MAML2: variants seen among roughly 807,000 people sequenced by gnomAD.
MAML2 encodes mastermind like transcriptional coactivator 2.
In MAML2, 22 loss-of-function variants were observed where a neutral mutation model predicts 96.1. The ratio of observed to expected loss-of-function variants is 0.23; its 90% CI spans 0.16 to 0.33. MAML2 has a LOEUF of 0.33. Among genes scored for constraint, MAML2 ranks in the 10% least tolerant of loss-of-function variants. MAML2 has a pLI of 1.00. For synonymous variants in MAML2, 561 were observed against 521.3 expected, an observed-to-expected ratio of 1.08 and a Z score of -1.04; for missense variants, 1,367 against 1,392.4, an observed-to-expected ratio of 0.98 and a Z score of 0.29.
chr11:96,030,192 C>T (rs1316701715), intron 2 of MAML2, among the ~76,000 whole-genome samples: 2 of 151,328 alleles, frequency 1.3e-5, no homozygotes, highest in South Asian at 2.1e-4. Context: ...GCCGAGATTG[C>T]GCCACTGCAC....
Position 96,092,179 on chromosome 11 carries a change from G to A in MAML2, c.1852C>T (p.Gln618Ter), listed in dbSNP as rs1316476219. ...GCTGAAATTGAACTCTGCTGTTGCTGTTGCTGTTGCTGTTGCTGCTGCTGC... is the reference window on the plus strand; with the variant it reads ...GCTGAAATTGAACTCTGCTGTTGCTATTGCTGTTGCTGTTGCTGCTGCTGC... ...QQQQQQQQQQ[Q>*]QQQSSISAQQ... Residue 618 changes from glutamine to a stop codon, truncating the protein, a stop_gained, in exon 2 of 5, where the codon CAG (glutamine) becomes TAG (stop). Transcript: ENST00000524717. LOFTEE classifies it high-confidence loss of function. The surrounding 1 kb of genome is among the most constrained non-coding windows in gnomAD (Gnocchi z 4.1). 6.5e-7 allele frequency: 1 copy of A among 1,540,954 alleles called. No individual in the cohort carries two copies. The highest frequency in any genetic ancestry group is 8.8e-7 in the Non-Finnish European group (1 of 1,142,284).
At chr11:96,000,437 C>A (rs1319617745) in intron 2 of MAML2, among the ~76,000 whole-genome samples, 1 of 152,138 alleles carries the variant, frequency 6.6e-6, no homozygotes. Flanking sequence ...CAGAGACCTA[C>A]GGCACACAAA....
chr11:96,307,552 A>G (rs935067430), intron 1 of MAML2, among the ~76,000 whole-genome samples: 1 of 152,156 alleles, frequency 6.6e-6, no homozygotes, highest in African/African-American at 2.4e-5. Flanking sequence ...GGGAAATGCC[A>G]TCTTAAAGCT....
chr11:96,146,369 T>C (rs921780549), intron 1 of MAML2, among the ~76,000 whole-genome samples: 2 of 152,226 alleles, frequency 1.3e-5, no homozygotes, highest in African/African-American at 2.4e-5. Context: ...TACTCACTAC[T>C]TGCTCATAGT....
At chr11:95,999,575 A>T (rs767105952) in intron 2 of MAML2, among the ~76,000 whole-genome samples, 244 of 74,134 alleles carry the variant, frequency 3.3e-3, no homozygotes, top group Non-Finnish European at 4.0e-3. Context: ...TCTCTTAATT[A>T]AAAAAAAAAA....
chr11:95,980,075 A>C (rs1857713442), intron 4 of MAML2, 112 bp from the exon 5 acceptor site: 3 of 780,638 alleles, frequency 3.8e-6, no homozygotes, highest in Admixed American at 2.9e-5. Flanking sequence ...AAGACAATTT[A>C]GGCGAAATAA....
At chr11:96,331,917 G>A (rs1863859702) in intron 1 of MAML2, among the ~76,000 whole-genome samples, 1 of 151,680 alleles carries the variant, frequency 6.6e-6, no homozygotes, top group Admixed American at 6.6e-5. Flanking sequence ...TTGCAGAATA[G>A]TGTCCTATTT....
chr11:96,187,702 G>A (rs1413542672), intron 1 of MAML2, among the ~76,000 whole-genome samples: 1 of 151,766 alleles, frequency 6.6e-6, no homozygotes, highest in African/African-American at 2.4e-5. Flanking sequence ...GCTGAGGCAG[G>A]AGAATCGCTT....
chr11:96,135,373 G>A (rs902754648), intron 1 of MAML2, among the ~76,000 whole-genome samples: 5 of 151,966 alleles, frequency 3.3e-5, no homozygotes, highest in East Asian at 1.9e-4. Context: ...AACACAAAAC[G>A]GACTAAGACA....
intron 2 of MAML2, among the ~76,000 whole-genome samples, chr11:96,050,822 G>A (rs1356057808): frequency 2.0e-5 from 3 of 152,196 alleles, no homozygotes; most frequent in Non-Finnish European, 4.4e-5. Context: ...AGGCTCTTAA[G>A]TAAAGGCAAT....
At position 96,342,386 on chromosome 11, in the gene MAML2, T is replaced by C. The variant is rs962404616; in HGVS notation, c.-491A>G. 1.5e-5 allele frequency: 6 copies of C among 399,628 alleles called. No individual in the cohort carries two copies. Among genetic ancestry groups the C allele is most frequent in the Middle Eastern group, 6.2e-4 (1 of 1,610 alleles). The allele number at this position is 399,628 out of a possible 1,614,324, so 24.8% of individuals were successfully genotyped here. A position where few individuals can be genotyped will look rare whatever the true frequency, so the allele number is the denominator to read the frequency against. On this transcript the variant is annotated 5_prime_UTR_variant, in exon 1 of 5. Coordinates refer to ENST00000524717, the MANE Select transcript of MAML2 (RefSeq NM_032427.4). ...CGACAATTCTTTATGGGGATGTTTC[T>C]GCAGAGAAACACATTTCTACCATGT...
At chr11:96,198,472 A>G (rs903552084) in intron 1 of MAML2, among the ~76,000 whole-genome samples, 2 of 152,218 alleles carry the variant, frequency 1.3e-5, no homozygotes, top group Non-Finnish European at 2.9e-5. Flanking sequence ...TTTGTTCCTC[A>G]GATGATATGG....
At chr11:96,082,920 T>C (rs1859551055) in intron 2 of MAML2, among the ~76,000 whole-genome samples, 1 of 152,076 alleles carries the variant, frequency 6.6e-6, no homozygotes, top group Non-Finnish European at 1.5e-5. Context: ...AAAACGGGGC[T>C]CAAAGGGGTA....
At chr11:95,993,563 T>G (rs770067714) in intron 2 of MAML2, among the ~76,000 whole-genome samples, 43 of 151,128 alleles carry the variant, frequency 2.8e-4, no homozygotes, top group South Asian at 8.3e-4. Flanking sequence ...AGAGCAAGAC[T>G]CTGTCTCAAA....
rs182977361 is a variant in MAML2 at position 96,156,406 on chromosome 11, G to C, written c.514-62889C>G. On this transcript the variant is annotated intron_variant, in intron 1 of 4. Coordinates refer to ENST00000524717, the MANE Select transcript of MAML2 (RefSeq NM_032427.4). The stretch of plus-strand genomic sequence containing the variant: ...AGAGGCATCTCTGCGGGGAGTTGCA[G>C]GGCTGTGGTCTCCCTCCTTGAGAGG... 2.6e-3 allele frequency among the ~76,000 whole-genome samples: 403 copies of C among 152,292 alleles called. 1 individual carries two copies. The highest frequency in any genetic ancestry group is 9.3e-3 in the African/African-American group (385 of 41,562).
intron 2 of MAML2, among the ~76,000 whole-genome samples, chr11:96,081,288 A>G (rs1295620831): frequency 1.3e-5 from 2 of 152,206 alleles, no homozygotes; most frequent in East Asian, 1.9e-4. Context: ...GAATTAAAGC[A>G]TAATATTCAT....
intron 2 of MAML2, among the ~76,000 whole-genome samples, chr11:95,999,643 T>A (rs760107900): frequency 6.6e-6 from 1 of 152,022 alleles, no homozygotes; most frequent in Non-Finnish European, 1.5e-5. Context: ...TAGCTCTCTG[T>A]TCCTCTTCAC....
At chr11:96,070,235 A>T (rs1859322120) in intron 2 of MAML2, among the ~76,000 whole-genome samples, 1 of 152,096 alleles carries the variant, frequency 6.6e-6, no homozygotes, top group Admixed American at 6.6e-5. Context: ...GCTTGCAGTG[A>T]GCTGAGATGG....
rs184437973 is a variant in MAML2, at chr11:96,273,103, C to T, written c.513+68280G>A. Among the ~76,000 whole-genome samples, 7 of 152,184 alleles carry T rather than the reference C, an allele frequency of 4.6e-5. 1 individual carries two copies. The East Asian group carries it at 1.2e-3, about 25-fold the overall frequency. ...AAAAGTTCCTACGTAATGCTGATCACATTAAAGTTTGTTACCATGGAAACA... is the reference window on the plus strand; with the variant it reads ...AAAAGTTCCTACGTAATGCTGATCATATTAAAGTTTGTTACCATGGAAACA... On this transcript the variant is annotated intron_variant, in intron 1 of 4. Coordinates refer to ENST00000524717, the MANE Select transcript of MAML2 (RefSeq NM_032427.4).
Sources: allele counts gnomAD v4.1 joint callset (sites outside exome capture counted in the v4.1 genomes callset), GRCh38; gene constraint gnomAD v4.1.1; non-coding constraint Gnocchi (gnomAD v3.1); transcripts MANE v1.5; gene names NCBI Gene and HGNC (gene_info 2026-07-23, HGNC 2026-07-21).